Variants in SLC44A5 observed in about 807,000 individuals in gnomAD.
SLC44A5 encodes choline transporter-like protein 5.
SLC44A5 carries 57 observed loss-of-function variants against 101.8 expected under a neutral mutation model. The ratio of observed to expected loss-of-function variants is 0.56; its 90% CI spans 0.45 to 0.70. The LOEUF (loss-of-function observed/expected upper bound fraction) is 0.70, where lower values mean the gene tolerates loss of function less well. Among genes scored for constraint, SLC44A5 ranks in the 30% least tolerant of loss-of-function variants. SLC44A5 has a pLI of 0.00. For missense variants in SLC44A5, 737 were observed against 853.1 expected (o/e 0.86, Z 1.70); for synonymous variants, 281 against 290.9 (o/e 0.97, Z 0.35).
At chr1:75,489,655 G>A (rs1198962045) in intron 2 of SLC44A5, among the ~76,000 whole-genome samples, 1 of 152,152 alleles carries the variant, frequency 6.6e-6, no homozygotes, top group Non-Finnish European at 1.5e-5. Flanking sequence ...GTGATGGCAT[G>A]AATGAAATAA....
At chr1:75,668,269 T>A in the SLC44A5 span, among the ~76,000 whole-genome samples, 7 of 146,754 alleles carry the variant, frequency 4.8e-5, no homozygotes, top group Non-Finnish European at 1.5e-5. Flanking sequence ...ATAATTATAT[T>A]CCTTGGGGAG....
intron 2 of SLC44A5, among the ~76,000 whole-genome samples, chr1:75,530,882 A>T (rs114731939): frequency 0.025 from 3,733 of 152,284 alleles, 162 homozygotes; most frequent in African/African-American, 0.086. Context: ...TAGGTCACAT[A>T]CCTGGACCAG....
At position 75,387,869 on chromosome 1, in the gene SLC44A5, T is replaced by C. The variant is rs1208247694; in HGVS notation, c.52+8714A>G. On this transcript the variant is annotated intron_variant, in intron 3 of 23. Coordinates refer to ENST00000370859, the MANE Select transcript of SLC44A5 (RefSeq NM_001130058.2). ...AATGTGGCACATATACACCATGGAATACTATGCAGCCATAAAAAATGATGA... is the reference window on the plus strand; with the variant it reads ...AATGTGGCACATATACACCATGGAACACTATGCAGCCATAAAAAATGATGA... Among the ~76,000 whole-genome samples the C allele has an allele frequency of 3.6e-5, 5 of 140,158 alleles. No individual in the cohort carries two copies. In the East Asian group the frequency reaches 8.9e-4, roughly 25 times the overall value. The allele number at this position is 140,158 out of a possible 152,430, so 91.9% of individuals were successfully genotyped here. A position where few individuals can be genotyped will look rare whatever the true frequency, so the allele number is the denominator to read the frequency against.
chr1:75,670,270 A>C, the SLC44A5 span, among the ~76,000 whole-genome samples: 4 of 152,150 alleles, frequency 2.6e-5, no homozygotes, highest in African/African-American at 9.6e-5. Context: ...AACCTTCCCA[A>C]TTTAAGAAGT....
intron 4 of SLC44A5, among the ~76,000 whole-genome samples, chr1:75,306,682 G>C (rs903869745): frequency 6.6e-6 from 1 of 150,542 alleles, no homozygotes. Context: ...TCCTTTTCAG[G>C]GACAGCTTTC....
intron 4 of SLC44A5, among the ~76,000 whole-genome samples, chr1:75,305,485 T>C (rs898919305): frequency 6.6e-6 from 1 of 152,220 alleles, no homozygotes; most frequent in Admixed American, 6.5e-5. Context: ...AGTTTTCAAA[T>C]ATCTTCACTT....
the SLC44A5 span, among the ~76,000 whole-genome samples, chr1:75,696,999 G>C: frequency 6.6e-6 from 1 of 152,152 alleles, no homozygotes. Context: ...GGACTTTTTA[G>C]AGTGATGTAA....
the SLC44A5 span, among the ~76,000 whole-genome samples, chr1:75,637,333 A>G: frequency 2.0e-5 from 3 of 152,018 alleles, no homozygotes; most frequent in Non-Finnish European, 2.9e-5. Flanking sequence ...TTCAGCCATA[A>G]AAAGAAATGA....
At chr1:75,503,746 G>A (rs1203355370) in intron 2 of SLC44A5, among the ~76,000 whole-genome samples, 1 of 152,110 alleles carries the variant, frequency 6.6e-6, no homozygotes, top group Non-Finnish European at 1.5e-5. Context: ...GTTGCAATGA[G>A]AGAAAAAGAT....
chr1:75,385,133 T>C (rs898323589), intron 3 of SLC44A5, among the ~76,000 whole-genome samples: 5 of 150,534 alleles, frequency 3.3e-5, no homozygotes, highest in Non-Finnish European at 5.9e-5. Context: ...CACCCTAACA[T>C]CACAATTAAA....
At chr1:75,463,586 C>T (rs1360825101) in intron 2 of SLC44A5, among the ~76,000 whole-genome samples, 4 of 151,626 alleles carry the variant, frequency 2.6e-5, no homozygotes, top group Non-Finnish European at 5.9e-5. Flanking sequence ...AAATTTTTAC[C>T]CTAGAATAGT....
chr1:75,634,040 T>C, the SLC44A5 span, among the ~76,000 whole-genome samples: 2 of 152,162 alleles, frequency 1.3e-5, no homozygotes, highest in South Asian at 2.1e-4. Context: ...TTTGCGTATA[T>C]TGAACCAGCC....
chr1:75,532,224 T>C (rs1301147993), intron 2 of SLC44A5, among the ~76,000 whole-genome samples: 1 of 152,194 alleles, frequency 6.6e-6, no homozygotes, highest in African/African-American at 2.4e-5. Context: ...ATGATTTTTG[T>C]TATCCAGACT....
At chr1:75,517,535 C>A (rs574678051) in intron 2 of SLC44A5, among the ~76,000 whole-genome samples, 1 of 151,930 alleles carries the variant, frequency 6.6e-6, no homozygotes, top group African/African-American at 2.4e-5. Flanking sequence ...TGGCAAAACA[C>A]AAAGGGTAGG....
chr1:75,469,900 GAA>G (rs1171157547), intron 2 of SLC44A5, among the ~76,000 whole-genome samples: 3 of 80,564 alleles, frequency 3.7e-5, no homozygotes, highest in African/African-American at 1.2e-4. Context: ...ACCTTGTGAA[GAA>G]AAAAAAAAAA....
chr1:75,460,083 C>T (rs1046835371), intron 2 of SLC44A5, among the ~76,000 whole-genome samples: 3 of 152,162 alleles, frequency 2.0e-5, no homozygotes, highest in African/African-American at 7.2e-5. Context: ...GCTATATACA[C>T]ATCGAACATA....
chr1:75,615,842 G>A (rs1675856270), upstream of SLC44A5: 5 of 987,496 alleles, frequency 5.1e-6, no homozygotes, highest in African/African-American at 7.0e-5. Flanking sequence ...GGAGGAGGGA[G>A]CGGGACTCAC....
chr1:75,555,182 C>G (rs1672150629), intron 1 of SLC44A5, among the ~76,000 whole-genome samples: 1 of 152,068 alleles, frequency 6.6e-6, no homozygotes, highest in Admixed American at 6.6e-5. Flanking sequence ...CAAGTACATA[C>G]TAAATAATGT....
intron 1 of SLC44A5, among the ~76,000 whole-genome samples, chr1:75,594,351 C>A (rs545362935): frequency 9.7e-4 from 148 of 151,798 alleles, no homozygotes; most frequent in Non-Finnish European, 1.8e-3. Context: ...AAATATAGCA[C>A]GACAGTATTC....
Sources: gnomAD v4.1 joint callset for allele counts (sites outside exome capture counted in the v4.1 genomes callset) on GRCh38, gnomAD v4.1.1 for gene constraint, MANE v1.5 for transcripts, NCBI Gene and HGNC (gene_info 2026-07-23, HGNC 2026-07-21) for gene names.